The following ZSCAN31 variants were observed in gnomAD, a reference collection of about 807,000 sequenced individuals.
ZSCAN31 encodes the protein zinc finger and SCAN domain containing 31, also known as zinc finger and SCAN domain-containing protein 31.
A neutral mutation model predicts 22.5 loss-of-function variants in ZSCAN31; 14 were observed. The ratio of observed to expected loss-of-function variants is 0.62; its 90% CI spans 0.41 to 0.97. ZSCAN31 has a LOEUF of 0.97. Ranked by LOEUF, ZSCAN31 falls within the 50% of genes least tolerant of loss-of-function variation. The pLI, the probability that ZSCAN31 is intolerant of heterozygous loss-of-function variation, is 0.00. For missense variants in ZSCAN31, 424 were observed against 483.4 expected (o/e 0.88, Z 1.15); for synonymous variants, 168 against 169.8 (o/e 0.99, Z 0.08).
In ZSCAN31 at chr6:28,328,071, G is replaced by A. The variant is rs368809068; in HGVS notation, c.382-538C>T. ...ATTTTCAAAAGGGGAGGAAGTGTGCGAATAGGTGTGGGACACAGACATCAA... is the reference window on the plus strand; with the variant it reads ...ATTTTCAAAAGGGGAGGAAGTGTGCAAATAGGTGTGGGACACAGACATCAA... On this transcript the variant is annotated intron_variant, in intron 2 of 3. Coordinates refer to ENST00000344279, the MANE Select transcript of ZSCAN31 (RefSeq NM_030899.5). Among the ~76,000 whole-genome samples, 426 of 152,308 alleles carry A rather than the reference G, an allele frequency of 2.8e-3. 3 individuals carry two copies. The highest frequency in any genetic ancestry group is 9.6e-3 in the African/African-American group (397 of 41,558).
chr6:28,326,733 T>A lies in ZSCAN31; in HGVS notation c.654A>T (p.Glu218Asp), dbSNP rs775147321. The stretch of plus-strand genomic sequence containing the variant: ...CTGCCTTGCTGTCTCGTTTACAAGT[T>A]TCTCTGTACTTAGAATCCAAAGATA... ...RDVSLDSKYR[E>D]TCKRDSKAEK... Residue 218 changes from glutamate (E) to aspartate (D), a missense_variant, in exon 4 of 4, where the codon GAA becomes GAT. Transcript: ENST00000344279. The A allele has an allele frequency of 4.3e-6, 7 of 1,614,010 alleles. No individual in the cohort carries two copies. The highest frequency in any genetic ancestry group is 5.1e-6 in the Non-Finnish European group (6 of 1,180,040).
In ZSCAN31 at chr6:28,326,623, A is replaced by G. The variant is rs201267928; in HGVS notation, c.764T>C (p.Ile255Thr). The change falls in exon 4 of 4, where the codon ATT (isoleucine) becomes ACT (threonine). Residue 255 changes from isoleucine (I) to threonine (T), a missense_variant. Coordinates refer to ENST00000344279, the MANE Select transcript of ZSCAN31 (RefSeq NM_030899.5). ...GKSFTKSSVLIEHQRIHTGEK... is the reference protein window; with the variant it reads ...GKSFTKSSVLTEHQRIHTGEK... ...CCCAGTGTGGATTCTCTGGTGCTCAATGAGTACTGAACTCTTAGTGAAGCT... is the reference window on the plus strand; with the variant it reads ...CCCAGTGTGGATTCTCTGGTGCTCAGTGAGTACTGAACTCTTAGTGAAGCT... The G allele has an allele frequency of 5.0e-5, 80 of 1,614,018 alleles. No individual in the cohort carries two copies. The highest frequency in any genetic ancestry group is 1.3e-5 in the African/African-American group (1 of 74,908).
rs771416285 is a variant in ZSCAN31, at chr6:28,327,427, T to A, written c.488A>T (p.Gln163Leu). ...GAGGCAAAAAGATTCATATCTGAGC[T>A]GTGTCACCATAGGCTGAAGCTGTAT... ...TDIQLQPMVT[Q>L]LRYESFCLHQ... Residue 163 changes from glutamine to leucine, a missense_variant, in exon 3 of 4, where the codon CAG (glutamine) becomes CTG (leucine). Coordinates refer to ENST00000344279, the MANE Select transcript of ZSCAN31 (RefSeq NM_030899.5). 2 of 1,614,110 alleles carry A rather than the reference T, an allele frequency of 1.2e-6. No individual in the cohort carries two copies. The highest frequency in any genetic ancestry group is 8.5e-7 in the Non-Finnish European group (1 of 1,180,016).
chr6:28,328,604 A>G (rs1017247245), intron 2 of ZSCAN31, among the ~76,000 whole-genome samples: 4 of 152,190 alleles, frequency 2.6e-5, no homozygotes, highest in Non-Finnish European at 5.9e-5. Flanking sequence ...ATATTGCTCA[A>G]ACACACACGC....
upstream of ZSCAN31, among the ~76,000 whole-genome samples, chr6:28,340,364 G>T (rs905074569): frequency 1.3e-5 from 2 of 152,242 alleles, no homozygotes; most frequent in Non-Finnish European, 2.9e-5. Context: ...GTGGTGGGAA[G>T]GGCCCAGTGG....
At chr6:28,336,699 T>G (rs1207049110), upstream of ZSCAN31, 1 of 152,206 alleles carries the variant, frequency 6.6e-6, no homozygotes, top group Non-Finnish European at 1.5e-5. Context: ...CTTTGTTTCT[T>G]GAGAACACAG....
Position 28,326,605 on chromosome 6 carries a change from T to C in ZSCAN31, c.782A>G (p.His261Arg). 1 of 1,614,244 alleles carries C rather than the reference T, an allele frequency of 6.2e-7. No individual in the cohort carries two copies. Among genetic ancestry groups the C allele is most frequent in the Non-Finnish European group, 8.5e-7 (1 of 1,180,046 alleles). The change falls in exon 4 of 4, where the codon CAC becomes CGC. Residue 261 changes from histidine to arginine, a missense_variant. Transcript: ENST00000344279. ...SSVLIEHQRI[H>R]TGEKPYECEE... ...ACATTCATATGGCTTCTCCCCAGTG[T>C]GGATTCTCTGGTGCTCAATGAGTAC...
chr6:28,335,148 G>A (rs73742535), intron 1 of ZSCAN31, among the ~76,000 whole-genome samples: 15,116 of 152,106 alleles, frequency 0.099, 1,107 homozygotes, highest in East Asian at 0.31. Context: ...TGCCTTAGGT[G>A]GATAGCAAGG....
intron 1 of ZSCAN31, chr6:28,332,254 A>T (rs536625910): frequency 6.6e-6 from 1 of 152,348 alleles, no homozygotes; most frequent in South Asian, 2.1e-4. Context: ...TATTTTTAAA[A>T]TGCCTAGAAG....
At position 28,334,248 on chromosome 6, in the gene ZSCAN31, G is replaced by A. The variant is rs145351161; in HGVS notation, c.-96+1834C>T. Among the ~76,000 whole-genome samples, 369 of 152,258 alleles carry A rather than the reference G, an allele frequency of 2.4e-3. 1 individual carries two copies. The highest frequency in any genetic ancestry group is 6.8e-3 in the Middle Eastern group (2 of 294). ...AGGTATACCCCTGGAGGAAGTGGAA[G>A]AGCTCATCCTAAATACAAGATTAAG... On this transcript the variant is annotated intron_variant, in intron 1 of 3. Coordinates refer to ENST00000344279, the MANE Select transcript of ZSCAN31 (RefSeq NM_030899.5).
chr6:28,342,788 A>C (rs1764465871), intron 2 of ZSCAN31, among the ~76,000 whole-genome samples: 1 of 152,212 alleles, frequency 6.6e-6, no homozygotes, highest in East Asian at 1.9e-4. Context: ...AAAACATCTC[A>C]AGTCCTTCTG....
chr6:28,326,351 T>C lies in ZSCAN31; in HGVS notation c.1036A>G (p.Thr346Ala). Residue 346 changes from threonine (T) to alanine (A), a missense_variant, in exon 4 of 4, where the codon ACT (threonine) becomes GCT (alanine). By Grantham distance (58) the Thr-to-Ala change is moderately conservative (BLOSUM62 0). Transcript: ENST00000344279. ...SCLVQHQRIHTGEKRYQCREC... is the reference protein window; with the variant it reads ...SCLVQHQRIHAGEKRYQCREC... ...CGACACTGATAGCGCTTCTCTCCAG[T>C]GTGTATCCTCTGATGCTGAACAAGG... The C allele has an allele frequency of 6.2e-7, 1 of 1,614,254 alleles. No homozygotes were observed. The highest frequency in any genetic ancestry group is 1.6e-4 in the Middle Eastern group (1 of 6,062).
Position 28,326,269 on chromosome 6 carries a change from T to C in ZSCAN31, c.1118A>G (p.His373Arg), listed in dbSNP as rs753849205. The C allele has an allele frequency of 3.5e-5, 56 of 1,614,194 alleles. 1 individual carries two copies. Among genetic ancestry groups the C allele is most frequent in the Non-Finnish European group, 4.7e-5 (56 of 1,180,034 alleles). ...GCACTGATAGGGTTTCTCACCAGTG[T>C]GGACTCGGAGATGCTGGAAAAGCCC... ...NAGLFQHLRV[H>R]TGEKPYQCSQ... The change falls in exon 4 of 4, where the codon CAC becomes CGC. Residue 373 changes from histidine (H) to arginine (R), a missense_variant. By Grantham distance (29) the His-to-Arg change is conservative. Coordinates refer to ENST00000344279, the MANE Select transcript of ZSCAN31 (RefSeq NM_030899.5).
At chr6:28,335,432 G>C (rs558612236) in intron 1 of ZSCAN31, 1 of 152,396 alleles carries the variant, frequency 6.6e-6, no homozygotes, top group African/African-American at 2.4e-5. Context: ...AGGTTCCCAG[G>C]AAAAGTTTCT....
At chr6:28,343,988 CTA>C (rs1022117500) in intron 2 of ZSCAN31, among the ~76,000 whole-genome samples, 1 of 152,094 alleles carries the variant, frequency 6.6e-6, no homozygotes, top group African/African-American at 2.4e-5. Context: ...TTCCCAGGGG[CTA>C]TGTTATCTCT....
rs1764696790 is a variant in ZSCAN31, at chr6:28,347,669, T to C, written c.-370-5877A>G. On this transcript the variant is annotated intron_variant, in intron 2 of 7. Coordinates refer to the ZSCAN31 transcript ENST00000396838. The surrounding 1 kb of genome is among the most constrained non-coding windows in gnomAD (Gnocchi z 5.2). ...ACCTTTTATTGCCCTTGTTATATCC[T>C]GAGCATCTAAAGCTATGTCTGGCCT... Among the ~76,000 whole-genome samples, 1 of 152,224 alleles carries C rather than the reference T, an allele frequency of 6.6e-6. No individual in the cohort carries two copies. The highest frequency in any genetic ancestry group is 1.5e-5 in the Non-Finnish European group (1 of 68,042).
intron 2 of ZSCAN31, among the ~76,000 whole-genome samples, chr6:28,345,433 C>T (rs1764606041): frequency 6.6e-6 from 1 of 152,156 alleles, no homozygotes; most frequent in African/African-American, 2.4e-5. Flanking sequence ...GAGATGGAGG[C>T]TATCTATGCC....
rs1195299244 is a variant in ZSCAN31 at position 28,326,352 on chromosome 6, G to T, written c.1035C>A (p.His345Gln). Residue 345 changes from histidine (H) to glutamine (Q), a missense_variant, in exon 4 of 4, where the codon CAC becomes CAA. Physicochemically the swap from His to Gln is conservative, Grantham distance 24. Coordinates refer to ENST00000344279, the MANE Select transcript of ZSCAN31 (RefSeq NM_030899.5). ...SSCLVQHQRIHTGEKRYQCRE... is the reference protein window; with the variant it reads ...SSCLVQHQRIQTGEKRYQCRE... ...GACACTGATAGCGCTTCTCTCCAGT[G>T]TGTATCCTCTGATGCTGAACAAGGC... is the stretch of plus-strand genomic sequence containing the variant. The T allele has an allele frequency of 1.9e-6, 3 of 1,614,132 alleles. No homozygotes were observed. The African/African-American group carries it at 4.0e-5, about 22-fold the overall frequency.
intron 2 of ZSCAN31, among the ~76,000 whole-genome samples, chr6:28,342,619 TAAGA>T (rs2113853758): frequency 6.6e-6 from 1 of 152,312 alleles, no homozygotes; most frequent in Non-Finnish European, 1.5e-5. Flanking sequence ...TAAAGTTGGA[TAAGA>T]AAGAGTGTAT....
Sources: gnomAD v4.1 joint callset for allele counts (sites outside exome capture counted in the v4.1 genomes callset) on GRCh38, gnomAD v4.1.1 for gene constraint, Gnocchi (gnomAD v3.1) non-coding constraint, MANE v1.5 for transcripts, NCBI Gene and HGNC (gene_info 2026-07-23, HGNC 2026-07-21) for gene names.